The following TMEM132D variants were observed in gnomAD, a reference collection of about 807,000 sequenced individuals.
TMEM132D encodes mature OL transmembrane protein.
Under a neutral mutation model 62.3 loss-of-function variants are expected in TMEM132D, and 21 were observed. The observed-to-expected ratio is 0.34, with a 90% CI of 0.24 to 0.49. The LOEUF (loss-of-function observed/expected upper bound fraction) is 0.49, where lower values mean the gene tolerates loss of function less well. Among genes scored for constraint, TMEM132D ranks in the 20% least tolerant of loss-of-function variants. The pLI, the probability that TMEM132D is intolerant of heterozygous loss-of-function variation, is 0.99. For missense variants in TMEM132D, 1,346 were observed against 1,402.8 expected, an observed-to-expected ratio of 0.96 and a Z score of 0.65; for synonymous variants, 621 against 575.6, an observed-to-expected ratio of 1.08 and a Z score of -1.13.
chr12:129,106,177 A>G (rs911353009), intron 5 of TMEM132D, among the ~76,000 whole-genome samples: 2 of 150,772 alleles, frequency 1.3e-5, no homozygotes, highest in Admixed American at 1.3e-4. Context: ...ACAAAAAACC[A>G]AACACCGCAT....
intron 2 of TMEM132D, among the ~76,000 whole-genome samples, chr12:129,603,614 A>G (rs188325996): frequency 2.0e-5 from 3 of 152,356 alleles, no homozygotes; most frequent in Admixed American, 6.5e-5. Flanking sequence ...CAAAACCACA[A>G]TGAGATACTA....
At chr12:129,270,863 A>C (rs545388291) in intron 4 of TMEM132D, among the ~76,000 whole-genome samples, 30 of 152,222 alleles carry the variant, frequency 2.0e-4, no homozygotes, top group Non-Finnish European at 3.1e-4. Context: ...CATCACAGAT[A>C]ATTACAGTCA....
intron 3 of TMEM132D, among the ~76,000 whole-genome samples, chr12:129,345,397 G>T (rs962936617): frequency 6.6e-6 from 1 of 152,138 alleles, no homozygotes; most frequent in Non-Finnish European, 1.5e-5. Flanking sequence ...CCACAGCATC[G>T]ATTCCAAAGA....
rs745389138 is a variant in TMEM132D, at chr12:129,432,166, G to C, written c.1116-94349C>G. ...GGATGGATGGATGGATGCTTGGATG[G>C]ATGGATGGATGGATGGATGGATGGA... On this transcript the variant is annotated intron_variant, in intron 3 of 8. Transcript: ENST00000422113. Among the ~76,000 whole-genome samples, 455 of 133,596 alleles carry C rather than the reference G, an allele frequency of 3.4e-3. 7 individuals are homozygous for C. In the East Asian group the frequency reaches 0.061, roughly 18 times the overall value. The allele number at this position is 133,596 out of a possible 152,430, so 87.6% of individuals were successfully genotyped here. A position where few individuals can be genotyped will look rare whatever the true frequency, so the allele number is the denominator to read the frequency against.
chr12:129,498,226 G>GATGA (rs747345019), intron 3 of TMEM132D, among the ~76,000 whole-genome samples: 20 of 147,598 alleles, frequency 1.4e-4, no homozygotes, highest in Non-Finnish European at 2.9e-4. Flanking sequence ...TAAGCTCCAA[G>GATGA]ATGAGATGTA....
chr12:129,676,376 T>C (rs540634384), intron 2 of TMEM132D, among the ~76,000 whole-genome samples: 1 of 152,202 alleles, frequency 6.6e-6, no homozygotes, highest in Non-Finnish European at 1.5e-5. Context: ...TAATCTATCA[T>C]CTATCCATCT....
intron 3 of TMEM132D, among the ~76,000 whole-genome samples, chr12:129,429,523 C>T (rs1258937547): frequency 1.3e-5 from 2 of 151,852 alleles, no homozygotes; most frequent in Admixed American, 6.6e-5. Flanking sequence ...ACCTTTCTCA[C>T]CTCAGCCTCC....
intron 4 of TMEM132D, among the ~76,000 whole-genome samples, chr12:129,336,860 G>A (rs975386759): frequency 6.6e-6 from 1 of 152,188 alleles, no homozygotes; most frequent in Admixed American, 6.5e-5. Context: ...CAGACCAGAG[G>A]TGTGGAAAGG....
intron 2 of TMEM132D, among the ~76,000 whole-genome samples, chr12:129,607,963 T>C (rs538544855): frequency 6.6e-6 from 1 of 152,310 alleles, no homozygotes; most frequent in Admixed American, 6.5e-5. Flanking sequence ...CCCCAGTGAA[T>C]GTGCTGACTG....
intron 2 of TMEM132D, among the ~76,000 whole-genome samples, chr12:129,592,064 C>G: frequency 6.6e-6 from 1 of 152,086 alleles, no homozygotes; most frequent in Non-Finnish European, 1.5e-5. Flanking sequence ...CCACAATAAT[C>G]TGATCCGATT....
At chr12:129,330,116 C>T (rs1488444121) in intron 4 of TMEM132D, among the ~76,000 whole-genome samples, 1 of 152,074 alleles carries the variant, frequency 6.6e-6, no homozygotes, top group African/African-American at 2.4e-5. Flanking sequence ...GGAAGAGATT[C>T]CTTAACGATT....
intron 1 of TMEM132D, among the ~76,000 whole-genome samples, chr12:129,726,133 G>C (rs1869027827): frequency 6.6e-6 from 1 of 152,144 alleles, no homozygotes; most frequent in Non-Finnish European, 1.5e-5. Context: ...CCTCCTGTGT[G>C]GCTCCATGGG....
intron 4 of TMEM132D, among the ~76,000 whole-genome samples, chr12:129,286,907 G>T (rs1749946328): frequency 6.6e-6 from 1 of 152,288 alleles, no homozygotes; most frequent in South Asian, 2.1e-4. Context: ...AATTAGTCGG[G>T]CGTGGTGGCG....
intron 1 of TMEM132D, among the ~76,000 whole-genome samples, chr12:129,874,700 C>CTTT (rs71085583): frequency 0.038 from 4,453 of 117,862 alleles, 186 homozygotes; most frequent in Non-Finnish European, 0.054. Flanking sequence ...TCACATTTTT[C>CTTT]TTTTTTTTTT....
chr12:129,207,904 T>C (rs989885944), intron 5 of TMEM132D, among the ~76,000 whole-genome samples: 3 of 152,248 alleles, frequency 2.0e-5, no homozygotes, highest in African/African-American at 7.2e-5. Context: ...TGTTTCTTTA[T>C]GCTAGGAATG....
rs145239603 is a variant in TMEM132D at position 129,146,578 on chromosome 12, C to T, written c.1444-61876G>A. On this transcript the variant is annotated intron_variant, in intron 5 of 8. Coordinates refer to ENST00000422113, the MANE Select transcript of TMEM132D (RefSeq NM_133448.3). Reference sequence around the variant, plus strand: ...TCCTTTGCCTGGGTGAGAGGTGCTTCGTAATCTGGTCACACATTACCTGTC... The same window carrying T: ...TCCTTTGCCTGGGTGAGAGGTGCTTTGTAATCTGGTCACACATTACCTGTC... Among the ~76,000 whole-genome samples the T allele has an allele frequency of 4.9e-4, 75 of 152,252 alleles. 1 individual carries two copies. The East Asian group carries it at 0.013, about 26-fold the overall frequency.
chr12:129,815,203 C>T (rs1872309012), intron 1 of TMEM132D, among the ~76,000 whole-genome samples: 1 of 152,130 alleles, frequency 6.6e-6, no homozygotes, highest in South Asian at 2.1e-4. Context: ...GTGATGGATT[C>T]ATACGCAGCT....
chr12:129,891,333 C>A lies in TMEM132D; in HGVS notation c.79+11928G>T, dbSNP rs76525077. On this transcript the variant is annotated intron_variant, in intron 1 of 8. Coordinates refer to ENST00000422113, the MANE Select transcript of TMEM132D (RefSeq NM_133448.3). Reference sequence around the variant, plus strand: ...CCTCAAGAGCCAACTCATCTCGGGGCAAAGGACCACACTTTGACCAAAACA... The same window carrying A: ...CCTCAAGAGCCAACTCATCTCGGGGAAAAGGACCACACTTTGACCAAAACA... Among the ~76,000 whole-genome samples the A allele has an allele frequency of 3.7e-3, 566 of 152,280 alleles. 4 individuals are homozygous for A. The highest frequency in any genetic ancestry group is 0.013 in the African/African-American group (540 of 41,564).
At chr12:129,519,112 G>C (rs536238493) in intron 3 of TMEM132D, among the ~76,000 whole-genome samples, 2 of 152,078 alleles carry the variant, frequency 1.3e-5, no homozygotes, top group Non-Finnish European at 2.9e-5. Context: ...TAAGAAATCC[G>C]AGCTCCTTTT....
Sources: allele counts gnomAD v4.1 joint callset (sites outside exome capture counted in the v4.1 genomes callset), GRCh38; gene constraint gnomAD v4.1.1; transcripts MANE v1.5; gene names NCBI Gene and HGNC (gene_info 2026-07-23, HGNC 2026-07-21).